Variants in PDE4D observed in about 807,000 individuals in gnomAD.
The protein encoded by PDE4D is 3',5'-cyclic-AMP phosphodiesterase 4D.
Under a neutral mutation model 87.4 loss-of-function variants are expected in PDE4D, and 24 were observed. That is an observed-to-expected ratio of 0.27 (90% CI 0.20 to 0.39). The LOEUF is 0.39. Among genes scored for constraint, PDE4D ranks in the 10% least tolerant of loss-of-function variants. The pLI is 1.00. For missense variants in PDE4D, 714 were observed against 1,041.0 expected (o/e 0.69, Z 4.32); for synonymous variants, 384 against 383.2 (o/e 1.00, Z -0.02).
intron 1 of PDE4D, among the ~76,000 whole-genome samples, chr5:59,335,922 A>C (rs1183124777): frequency 6.6e-6 from 1 of 152,218 alleles, no homozygotes; most frequent in South Asian, 2.1e-4. Context: ...TTTTGCAAAA[A>C]ATGATCTAGA....
chr5:60,149,642 C>T (rs966260304), intron 2 of PDE4D, among the ~76,000 whole-genome samples: 9 of 151,806 alleles, frequency 5.9e-5, no homozygotes, highest in Non-Finnish European at 1.3e-4. Flanking sequence ...TCCAACTGGC[C>T]ATTTAGAATT....
At chr5:60,049,577 T>C (rs1346191925) in intron 2 of PDE4D, among the ~76,000 whole-genome samples, 2 of 152,214 alleles carry the variant, frequency 1.3e-5, no homozygotes, top group East Asian at 1.9e-4. Flanking sequence ...TTAGTTTTCC[T>C]TCTAACAGAC....
chr5:59,451,660 T>A (rs1799173500), intron 1 of PDE4D, among the ~76,000 whole-genome samples: 1 of 152,194 alleles, frequency 6.6e-6, no homozygotes, highest in Non-Finnish European at 1.5e-5. Flanking sequence ...AGACTCCACC[T>A]CCTACCTCTA....
chr5:59,532,554 A>G lies in PDE4D; in HGVS notation c.456-316586T>C, dbSNP rs1814432982. 2.0e-5 allele frequency among the ~76,000 whole-genome samples: 3 copies of G among 152,218 alleles called. No homozygotes were observed. In the South Asian group the frequency reaches 6.2e-4, roughly 32 times the overall value. ...ATAGAGTGGTTTAGAGAATCAGTCAATGTGATCTGCACTGAAGTGGTCTGA... is the reference window on the plus strand; with the variant it reads ...ATAGAGTGGTTTAGAGAATCAGTCAGTGTGATCTGCACTGAAGTGGTCTGA... On this transcript the variant is annotated intron_variant, in intron 1 of 14. Transcript: ENST00000340635.
intron 5 of PDE4D, among the ~76,000 whole-genome samples, chr5:59,076,692 C>G (rs768154442): frequency 1.6e-4 from 25 of 152,114 alleles, no homozygotes; most frequent in Admixed American, 2.6e-4. Context: ...AAAACTCAAT[C>G]AATGCCTTGC....
chr5:59,139,747 T>G (rs961278087), intron 5 of PDE4D, among the ~76,000 whole-genome samples: 2 of 152,066 alleles, frequency 1.3e-5, no homozygotes, highest in African/African-American at 2.4e-5. Context: ...CCCAAAATAC[T>G]AGGATTACAG....
chr5:59,222,104 G>A (rs1015962280), intron 1 of PDE4D, among the ~76,000 whole-genome samples: 6 of 152,126 alleles, frequency 3.9e-5, no homozygotes, highest in African/African-American at 1.4e-4. Flanking sequence ...AAGAAACAAA[G>A]AGAAGTCGGA....
At chr5:59,022,435 C>T (rs1213606876) in intron 6 of PDE4D, among the ~76,000 whole-genome samples, 2 of 152,122 alleles carry the variant, frequency 1.3e-5, no homozygotes, top group African/African-American at 2.4e-5. Flanking sequence ...ACTTCCCTTG[C>T]CACTTTGCCC....
chr5:59,955,781 CTCCT>C (rs1362419541), intron 3 of PDE4D, among the ~76,000 whole-genome samples: 1 of 152,176 alleles, frequency 6.6e-6, no homozygotes, highest in Non-Finnish European at 1.5e-5. Flanking sequence ...CCCTCCCTCC[CTCCT>C]GCCCTTCGGT....
chr5:59,165,783 G>T (rs1781837909), intron 5 of PDE4D, among the ~76,000 whole-genome samples: 1 of 152,154 alleles, frequency 6.6e-6, no homozygotes. Context: ...TTATAACATA[G>T]TTTGGTAGAA....
chr5:60,121,869 C>A lies in PDE4D; in HGVS notation c.42+63688G>T, dbSNP rs188739701. ...TCTGAGACAAGGCAAGTTCCTTCCA[C>A]CTATGAGCCCGTAAAATCAAAAGCA... On this transcript the variant is annotated intron_variant, in intron 2 of 16. Coordinates refer to the PDE4D transcript ENST00000502484. Among the ~76,000 whole-genome samples, 47 of 152,300 alleles carry A rather than the reference C, an allele frequency of 3.1e-4. 1 individual carries two copies. The highest frequency in any genetic ancestry group is 1.1e-3 in the African/African-American group (45 of 41,558).
chr5:59,689,652 A>G (rs1750558513), intron 1 of PDE4D, among the ~76,000 whole-genome samples: 2 of 152,190 alleles, frequency 1.3e-5, no homozygotes, highest in African/African-American at 4.8e-5. Flanking sequence ...TCCCTTTGAA[A>G]CCTGGCACAA....
intron 1 of PDE4D, among the ~76,000 whole-genome samples, chr5:59,504,960 ATG>A (rs1166100024): frequency 1.0e-4 from 11 of 110,404 alleles, no homozygotes; most frequent in Admixed American, 2.6e-4. Flanking sequence ...GTGTTTGTGT[ATG>A]TGTGTGTGTG....
chr5:59,174,915 G>T (rs2153475030), intron 5 of PDE4D, among the ~76,000 whole-genome samples: 1 of 152,224 alleles, frequency 6.6e-6, no homozygotes, highest in Non-Finnish European at 1.5e-5. Flanking sequence ...TTGTGTCCTT[G>T]CATGAAAATC....
intron 2 of PDE4D, among the ~76,000 whole-genome samples, chr5:60,044,501 C>T (rs1212973221): frequency 6.6e-6 from 1 of 152,078 alleles, no homozygotes; most frequent in Non-Finnish European, 1.5e-5. Flanking sequence ...TCTCCCATTG[C>T]TATCCCTCCC....
At position 58,989,722 on chromosome 5, in the gene PDE4D, T is replaced by TGGC. The variant is rs774843338; in HGVS notation, c.1452+32_1452+33insGCC. The TGGC allele has an allele frequency of 7.5e-6, 11 of 1,475,228 alleles. No individual in the cohort carries two copies. In the African/African-American group the frequency reaches 1.3e-4, roughly 17 times the overall value. The allele number at this position is 1,475,228 out of a possible 1,614,324, so 91.4% of individuals were successfully genotyped here. ...TTAATAGACCTTTATGAGTGGCAAG[T>TGGC]TAGTGTTCTTGAAATTTCAGAAACA... On this transcript the variant is annotated intron_variant, in intron 10 of 14. Coordinates refer to ENST00000340635, the MANE Select transcript of PDE4D (RefSeq NM_001104631.2).
rs1742267735 is a variant in PDE4D, at chr5:58,969,684, C to A, written c.*4980G>T. ...GCCTTTGTCCCCTCCAGACTGTAAGCTCCATGAAAGCAAACACTGTGTCTC... is the reference window on the plus strand; with the variant it reads ...GCCTTTGTCCCCTCCAGACTGTAAGATCCATGAAAGCAAACACTGTGTCTC... On this transcript the variant is annotated 3_prime_UTR_variant, in exon 15 of 15. Transcript: ENST00000340635. The A allele has an allele frequency of 6.6e-6, 1 of 152,158 alleles. No homozygotes were observed. The highest frequency in any genetic ancestry group is 1.5e-5 in the Non-Finnish European group (1 of 68,024). 9.4% of individuals were successfully genotyped at this position (152,158 alleles called of 1,614,324 possible).
At chr5:59,638,968 A>T (rs1241971770) in intron 1 of PDE4D, among the ~76,000 whole-genome samples, 2 of 152,264 alleles carry the variant, frequency 1.3e-5, no homozygotes, top group African/African-American at 2.4e-5. Context: ...AGGGCTACAT[A>T]GCAGAATTTT....
intron 1 of PDE4D, among the ~76,000 whole-genome samples, chr5:60,413,093 C>T (rs924410839): frequency 3.9e-5 from 6 of 152,032 alleles, no homozygotes; most frequent in African/African-American, 1.4e-4. Context: ...ATGCAAGCTC[C>T]TTCATCCCCT....
Sources: allele counts gnomAD v4.1 joint callset (sites outside exome capture counted in the v4.1 genomes callset), GRCh38; gene constraint gnomAD v4.1.1; transcripts MANE v1.5; gene names NCBI Gene and HGNC (gene_info 2026-07-23, HGNC 2026-07-21).